The following DNMBP variants were observed in gnomAD, a reference collection of about 807,000 sequenced individuals.
DNMBP encodes dynamin-binding protein.
Under a neutral mutation model 150.0 loss-of-function variants are expected in DNMBP, and 87 were observed. That is an observed-to-expected ratio of 0.58 (90% confidence interval 0.49 to 0.69). The LOEUF (loss-of-function observed/expected upper bound fraction) is 0.69. DNMBP is among the 30% of genes least tolerant of loss of function. The pLI is 0.00. For missense variants in DNMBP, 1,774 were observed against 1,949.0 expected (o/e 0.91, Z 1.69); for synonymous variants, 711 against 750.4 (o/e 0.95, Z 0.86).
intron 13 of DNMBP, 48 bp downstream of exon 13, chr10:99,886,252 A>G (rs1411749942): frequency 2.0e-6 from 3 of 1,471,336 alleles, no homozygotes; most frequent in Admixed American, 2.1e-5. Context: ...GAAAAATACC[A>G]GGCAAAGGCT....
At chr10:99,908,178 T>C (rs960471050) in intron 5 of DNMBP, 84 bp from the exon 6 acceptor site, 1 of 1,020,476 alleles carries the variant, frequency 9.8e-7, no homozygotes, top group African/African-American at 1.6e-5. Flanking sequence ...TCTTCAAGAA[T>C]TGTAGAAAAA....
chr10:99,929,856 C>T (rs1160301989), intron 4 of DNMBP: 3 of 702,834 alleles, frequency 4.3e-6, no homozygotes, highest in Non-Finnish European at 7.8e-6. Context: ...TGCCTTTGTT[C>T]TTGGTATGTC....
chr10:99,963,554 AG>A (rs2040586185), intron 3 of DNMBP, among the ~76,000 whole-genome samples: 1 of 148,814 alleles, frequency 6.7e-6, no homozygotes, highest in South Asian at 2.2e-4. Flanking sequence ...TGCCAATATG[AG>A]GAACTCCTGC....
chr10:99,929,001 G>A (rs4298837), intron 4 of DNMBP, among the ~76,000 whole-genome samples: 4,887 of 152,048 alleles, frequency 0.032, 117 homozygotes, highest in Admixed American at 0.067. Context: ...AAAAGTAGCC[G>A]GGCATGGTGG....
intron 3 of DNMBP, among the ~76,000 whole-genome samples, chr10:99,966,492 GCATGCTTCCTAAGAAAAGTT>G (rs1197853405): frequency 1.1e-4 from 17 of 152,176 alleles, no homozygotes; most frequent in Non-Finnish European, 8.8e-5. Flanking sequence ...CTCTCGGATG[GCATGCTTCCTAAGAAAAGTT>G]CATGCTACCC....
chr10:99,880,467 A>G, intron 15 of DNMBP, 106 bp from the exon 16 acceptor site: 1 of 1,391,296 alleles, frequency 7.2e-7, no homozygotes, highest in Non-Finnish European at 9.4e-7. Context: ...CATCTGTAAA[A>G]TGAAGAGTAA....
chr10:99,915,608 C>CCT (rs2039957275), intron 4 of DNMBP, among the ~76,000 whole-genome samples: 1 of 151,904 alleles, frequency 6.6e-6, no homozygotes, highest in Non-Finnish European at 1.5e-5. Flanking sequence ...CCAGCTACTC[C>CCT]GAAGGCTGAA....
chr10:99,878,648 C>T (rs1201039772), intron 16 of DNMBP, among the ~76,000 whole-genome samples: 1 of 152,270 alleles, frequency 6.6e-6, no homozygotes, highest in African/African-American at 2.4e-5. Flanking sequence ...AGAGGCAGCA[C>T]CTCTACAACC....
In DNMBP at chr10:99,955,964, T is replaced by G. The variant is rs777216340; in HGVS notation, c.1510A>C (p.Ser504Arg). The G allele has an allele frequency of 1.2e-6, 2 of 1,614,056 alleles. No homozygotes were observed. The highest frequency in any genetic ancestry group is 1.3e-5 in the African/African-American group (1 of 74,924). The change falls in exon 4 of 17, where the codon AGT becomes CGT. Residue 504 changes from serine (S) to arginine (R), a missense_variant. Ser to Arg is a moderately radical substitution (Grantham distance 110, BLOSUM62 -1). Around this residue, in one of 2 missense-constraint regions of DNMBP, gnomAD observed 1,430 missense variants for 1,492.5 expected, o/e 0.96. Transcript: ENST00000324109. ...QSSPQLHNLA[S>R]YTKKHHTSSV... The stretch of plus-strand genomic sequence containing the variant: ...GACGTGTGGTGCTTTTTAGTATAAC[T>G]TGCTAGGTTGTGGAGCTGAGGACTT...
chr10:99,885,068 G>A (rs2039436012), intron 14 of DNMBP, among the ~76,000 whole-genome samples: 1 of 152,014 alleles, frequency 6.6e-6, no homozygotes. Context: ...ACTAACTCCA[G>A]GTAAAAAAGG....
intron 8 of DNMBP, 42 bp downstream of exon 8, chr10:99,898,701 C>G: frequency 6.2e-7 from 1 of 1,609,478 alleles, no homozygotes; most frequent in Non-Finnish European, 8.5e-7. Context: ...GAAAAATCCA[C>G]AGAAGAAATG....
At chr10:99,945,979 C>T (rs12241947) in intron 4 of DNMBP, among the ~76,000 whole-genome samples, 12,285 of 152,132 alleles carry the variant, frequency 0.081, 723 homozygotes, top group African/African-American at 0.17. Flanking sequence ...TTAATTGAGA[C>T]GGAGTCTCGC....
chr10:99,929,159 T>A (rs1477595569), intron 4 of DNMBP, among the ~76,000 whole-genome samples: 4 of 143,496 alleles, frequency 2.8e-5, no homozygotes, highest in African/African-American at 5.2e-5. Flanking sequence ...AATAAATAAA[T>A]AAAAATAAAG....
chr10:99,938,914 C>T (rs1440778782), intron 4 of DNMBP, among the ~76,000 whole-genome samples: 1 of 152,154 alleles, frequency 6.6e-6, no homozygotes, highest in Non-Finnish European at 1.5e-5. Context: ...TCCACTGGCT[C>T]TTTTCAGCAG....
chr10:99,954,250 C>T (rs1344811107), intron 4 of DNMBP, among the ~76,000 whole-genome samples: 1 of 151,946 alleles, frequency 6.6e-6, no homozygotes, highest in East Asian at 2.0e-4. Flanking sequence ...GTTGCCCAGG[C>T]TGGTCTCAAA....
chr10:99,996,777 C>G (rs1000034119), intron 1 of DNMBP, among the ~76,000 whole-genome samples: 1 of 152,128 alleles, frequency 6.6e-6, no homozygotes, highest in African/African-American at 2.4e-5. Context: ...CTAAATAAAT[C>G]CAAACACAGC....
At chr10:99,910,922 G>T (rs1414288809) in intron 4 of DNMBP, among the ~76,000 whole-genome samples, 1 of 151,902 alleles carries the variant, frequency 6.6e-6, no homozygotes, top group African/African-American at 2.4e-5. Flanking sequence ...TGATAAATAA[G>T]AGAAGAAATA....
intron 11 of DNMBP, among the ~76,000 whole-genome samples, chr10:99,893,989 A>T (rs1300277128): frequency 6.6e-6 from 1 of 152,098 alleles, no homozygotes; most frequent in Non-Finnish European, 1.5e-5. Flanking sequence ...AAAGTTAAGG[A>T]TCCCTTTTAA....
intron 4 of DNMBP, among the ~76,000 whole-genome samples, chr10:99,924,095 A>C (rs1048185145): frequency 6.6e-6 from 1 of 152,102 alleles, no homozygotes; most frequent in Non-Finnish European, 1.5e-5. Flanking sequence ...CAGAGGTTGC[A>C]GTGAGCTGAG....
Sources: allele counts gnomAD v4.1 joint callset (sites outside exome capture counted in the v4.1 genomes callset), GRCh38; gene constraint gnomAD v4.1.1; regional missense constraint gnomAD v4.1.1; transcripts MANE v1.5; gene names NCBI Gene and HGNC (gene_info 2026-07-23, HGNC 2026-07-21).